Variants in DNAJC10 observed in about 807,000 individuals in gnomAD.
The protein encoded by DNAJC10 is endoplasmic reticulum disulfide reductase DNAJC10.
A neutral mutation model predicts 115.0 loss-of-function variants in DNAJC10; 101 were observed. That is an observed-to-expected ratio of 0.88 (90% CI 0.75 to 1.04). The LOEUF is 1.04. Ranked by LOEUF, DNAJC10 falls within the 50% of genes least tolerant of loss-of-function variation. The pLI is 0.00. For synonymous variants in DNAJC10, 307 were observed against 301.5 expected (o/e 1.02, Z -0.19); for missense variants, 981 against 928.8 (o/e 1.06, Z -0.73).
chr2:182,724,730 G>A (rs1457496074), intron 5 of DNAJC10, among the ~76,000 whole-genome samples: 7 of 152,306 alleles, frequency 4.6e-5, no homozygotes, highest in Middle Eastern at 6.8e-3. Context: ...GTATAGTTTA[G>A]AAGTGGAAAG....
At chr2:182,751,259 TG>T (rs912198128) in intron 14 of DNAJC10, among the ~76,000 whole-genome samples, 2 of 147,324 alleles carry the variant, frequency 1.4e-5, no homozygotes, top group African/African-American at 5.0e-5. Context: ...CTCAGCCTCC[TG>T]AGTAGCTGGG....
chr2:182,773,968 TTATC>T (rs1234560096), intron 22 of DNAJC10, among the ~76,000 whole-genome samples: 1 of 141,392 alleles, frequency 7.1e-6, no homozygotes, highest in African/African-American at 3.2e-5. Context: ...CTTTGTGGTT[TTATC>T]TATCTTTGGT....
chr2:182,751,809 T>A, intron 15 of DNAJC10, 24 bp downstream of exon 15: 3 of 1,606,388 alleles, frequency 1.9e-6, no homozygotes, highest in Non-Finnish European at 2.5e-6. Context: ...ATCTGTCAGA[T>A]TCTAACATTG....
intron 13 of DNAJC10, among the ~76,000 whole-genome samples, chr2:182,742,295 G>A (rs1393686804): frequency 2.6e-5 from 4 of 151,978 alleles, no homozygotes; most frequent in Admixed American, 2.0e-4. Context: ...AGTGATTCTG[G>A]GTTCCAGTGA....
intron 11 of DNAJC10, chr2:182,739,444 C>T (rs1372789481): frequency 2.3e-6 from 2 of 856,944 alleles, no homozygotes; most frequent in African/African-American, 1.8e-5. Flanking sequence ...AACTGTTAAA[C>T]ATAGATGGTT....
rs1694813774 is a variant in DNAJC10, at chr2:182,780,226, G to A, written c.*3094G>A. 6.6e-6 allele frequency: 1 copy of A among 152,106 alleles called. No homozygotes were observed. Among genetic ancestry groups the A allele is most frequent in the Admixed American group, 6.5e-5 (1 of 15,268 alleles). The allele number at this position is 152,106 out of a possible 1,614,324, so 9.4% of individuals were successfully genotyped here. On this transcript the variant is annotated 3_prime_UTR_variant, in exon 24 of 24. Transcript: ENST00000264065. ...ATGTTGAAATATGATCCCCAGTGTT[G>A]GATATGGGGCCTGGTGGGAGGTGTT...
intron 19 of DNAJC10, among the ~76,000 whole-genome samples, 192 bp downstream of exon 19, chr2:182,758,017 C>T (rs1487912084): frequency 1.3e-5 from 2 of 152,094 alleles, no homozygotes; most frequent in Non-Finnish European, 2.9e-5. Context: ...GTGCATAAAG[C>T]TTATAGTCTA....
At chr2:182,752,699 T>A in intron 16 of DNAJC10, 1 of 296,252 alleles carries the variant, frequency 3.4e-6, no homozygotes, top group Non-Finnish European at 4.6e-6. Flanking sequence ...ATATCACGTA[T>A]AAAATACTTT....
chr2:182,746,407 CTT>C (rs1320098697), intron 14 of DNAJC10, among the ~76,000 whole-genome samples: 2 of 152,076 alleles, frequency 1.3e-5, no homozygotes, highest in Non-Finnish European at 2.9e-5. Context: ...TGTTTTCTGA[CTT>C]TTTAATGATT....
chr2:182,752,580 A>G, intron 16 of DNAJC10: 1 of 946,108 alleles, frequency 1.1e-6, no homozygotes, highest in Non-Finnish European at 1.3e-6. Flanking sequence ...AAAACAATGA[A>G]CAAGCCTTTT....
intron 3 of DNAJC10, 99 bp downstream of exon 3, chr2:182,718,389 C>A: frequency 4.1e-6 from 4 of 983,114 alleles, no homozygotes; most frequent in Non-Finnish European, 4.3e-6. Flanking sequence ...TAAGAATAAT[C>A]ATATGTCAAA....
chr2:182,719,997 T>A lies in DNAJC10; in HGVS notation c.205-10T>A. 1 of 1,425,910 alleles carries A rather than the reference T, an allele frequency of 7.0e-7. No homozygotes were observed. The highest frequency in any genetic ancestry group is 9.7e-7 in the Non-Finnish European group (1 of 1,029,558). 88.3% of individuals were successfully genotyped at this position (1,425,910 alleles called of 1,614,324 possible). ...GAAATAATTGTATTATATCTAATAT[T>A]TTTTAACAGAATAACCCAAATGCAC... is the stretch of plus-strand genomic sequence containing the variant. On this transcript the variant is annotated splice_polypyrimidine_tract_variant and intron_variant, in intron 3 of 23. Transcript: ENST00000264065.
Position 182,728,599 on chromosome 2 carries a change from C to T in DNAJC10, c.442C>T (p.Leu148=), listed in dbSNP as rs1558999659. The change falls in exon 6 of 24, where the codon CTG becomes TTG. Residue 148 remains leucine, a synonymous_variant. Coordinates refer to ENST00000264065, the MANE Select transcript of DNAJC10 (RefSeq NM_018981.4). The stretch of plus-strand genomic sequence containing the variant: ...AGATGCTGCTGTTAATTCTGGAGAA[C>T]TGTGGTTTGTAAATTTTTACTCCCC... ...EFDAAVNSGE[L]WFVNFYSPGC... The T allele has an allele frequency of 1.2e-6, 2 of 1,612,046 alleles. No homozygotes were observed. Among genetic ancestry groups the T allele is most frequent in the South Asian group, 2.2e-5 (2 of 90,676 alleles).
rs1694913837 is a variant in DNAJC10 at position 182,784,601 on chromosome 2, T to C, written c.*7469T>C. The C allele has an allele frequency of 6.6e-6, 1 of 152,236 alleles. No homozygotes were observed. The highest frequency in any genetic ancestry group is 6.5e-5 in the Admixed American group (1 of 15,280). The allele number at this position is 152,236 out of a possible 1,614,324, so 9.4% of individuals were successfully genotyped here. The stretch of plus-strand genomic sequence containing the variant: ...GTGATAAGAATTTCTGACTAGAAAT[T>C]ATAAATTCATTGTTTTATGCCTTAA... On this transcript the variant is annotated 3_prime_UTR_variant, in exon 24 of 24. Transcript: ENST00000264065.
chr2:182,724,374 T>C (rs1194159065), intron 5 of DNAJC10, among the ~76,000 whole-genome samples: 2 of 152,186 alleles, frequency 1.3e-5, no homozygotes, highest in African/African-American at 2.4e-5. Context: ...AATTTAACAT[T>C]GTAAAAATGT....
chr2:182,729,688 A>G, intron 7 of DNAJC10, 160 bp from the exon 8 acceptor site: 1 of 462,706 alleles, frequency 2.2e-6, no homozygotes, highest in African/African-American at 2.0e-5. Flanking sequence ...TGTACTGTCA[A>G]GATTATCAGG....
At chr2:182,722,849 A>G (rs1458388863) in intron 5 of DNAJC10, among the ~76,000 whole-genome samples, 1 of 152,118 alleles carries the variant, frequency 6.6e-6, no homozygotes, top group Non-Finnish European at 1.5e-5. Flanking sequence ...CTGACGCACA[A>G]GAATCGCGTG....
At chr2:182,766,858 G>A (rs564265383) in intron 22 of DNAJC10, among the ~76,000 whole-genome samples, 41 of 152,198 alleles carry the variant, frequency 2.7e-4, no homozygotes, top group Middle Eastern at 3.4e-3. Context: ...AGGGGGATGG[G>A]AGGTGCTGTT....
chr2:182,777,363 A>C lies in DNAJC10; in HGVS notation c.*231A>C. 3.1e-6 allele frequency: 1 copy of C among 321,132 alleles called. No individual in the cohort carries two copies. Among genetic ancestry groups the C allele is most frequent in the Non-Finnish European group, 5.8e-6 (1 of 171,254 alleles). The allele number at this position is 321,132 out of a possible 1,614,324, so 19.9% of individuals were successfully genotyped here. On this transcript the variant is annotated 3_prime_UTR_variant, in exon 24 of 24. Coordinates refer to ENST00000264065, the MANE Select transcript of DNAJC10 (RefSeq NM_018981.4). ...CTTTGCAGGCTATAATATATGGTTCACACATGAGAACAAGAATAGAGTCAT... is the reference window on the plus strand; with the variant it reads ...CTTTGCAGGCTATAATATATGGTTCCCACATGAGAACAAGAATAGAGTCAT...
Sources: allele counts gnomAD v4.1 joint callset (sites outside exome capture counted in the v4.1 genomes callset), GRCh38; gene constraint gnomAD v4.1.1; transcripts MANE v1.5; gene names NCBI Gene and HGNC (gene_info 2026-07-23, HGNC 2026-07-21).